KLHL42: variants seen among roughly 807,000 people sequenced by gnomAD.
KLHL42 encodes kelch like family member 42.
A neutral mutation model predicts 32.7 loss-of-function variants in KLHL42; 27 were observed. The ratio of observed to expected loss-of-function variants is 0.83; its 90% CI spans 0.61 to 1.14. KLHL42 has a LOEUF of 1.14. Ranked by LOEUF, KLHL42 falls within the 50% of genes most tolerant of loss-of-function variation. The pLI is 0.00. For missense variants in KLHL42, 491 were observed against 560.8 expected (o/e 0.88, Z 1.26); for synonymous variants, 267 against 248.2 (o/e 1.08, Z -0.71).
Position 27,780,242 on chromosome 12 carries a change from C to A in KLHL42, c.-89C>A, listed in dbSNP as rs535007791. On this transcript the variant is annotated 5_prime_UTR_variant, in exon 1 of 3. Coordinates refer to ENST00000381271, the MANE Select transcript of KLHL42 (RefSeq NM_020782.2). This position sits in a 1 kb window ranked among gnomAD's most constrained non-coding sequence, Gnocchi z 8.8. Reference sequence around the variant, plus strand: ...CTCCTCCCGGGCCGCCATCCCTCGGCGCCCCGCCCGGAACCGGCGCGCGCG... The same window carrying A: ...CTCCTCCCGGGCCGCCATCCCTCGGAGCCCCGCCCGGAACCGGCGCGCGCG... 4.0e-6 allele frequency: 5 copies of A among 1,265,478 alleles called. No individual in the cohort carries two copies. Among genetic ancestry groups the A allele is most frequent in the African/African-American group, 1.6e-5 (1 of 63,134 alleles). The allele number at this position is 1,265,478 out of a possible 1,614,324, so 78.4% of individuals were successfully genotyped here.
chr12:27,790,192 G>T (rs555182512), intron 1 of KLHL42, among the ~76,000 whole-genome samples: 2 of 152,222 alleles, frequency 1.3e-5, no homozygotes, highest in African/African-American at 4.8e-5. Flanking sequence ...ACTTGGTCTA[G>T]CACCTTTATT....
intron 2 of KLHL42, 36 bp from the exon 3 acceptor site, chr12:27,797,679 G>A: frequency 1.5e-6 from 1 of 673,788 alleles, no homozygotes; most frequent in East Asian, 2.5e-5. Flanking sequence ...TGGTGTTAGT[G>A]GAGGCGGTGT....
chr12:27,796,354 C>T (rs2140823015), intron 2 of KLHL42, among the ~76,000 whole-genome samples: 1 of 151,818 alleles, frequency 6.6e-6, no homozygotes, highest in East Asian at 1.9e-4. Context: ...CAAGCGCCTG[C>T]AGCCGTCAAA....
At chr12:27,782,288 A>T (rs933882700) in intron 1 of KLHL42, among the ~76,000 whole-genome samples, 1 of 152,152 alleles carries the variant, frequency 6.6e-6, no homozygotes, top group African/African-American at 2.4e-5. Flanking sequence ...AACTGGCTTT[A>T]TTTCTCCTAT....
At position 27,801,256 on chromosome 12, in the gene KLHL42, C is replaced by G. The variant is rs2062246260; in HGVS notation, c.*3090C>G. The G allele has an allele frequency of 6.6e-6, 1 of 151,750 alleles. No individual in the cohort carries two copies. Among genetic ancestry groups the G allele is most frequent in the Admixed American group, 6.6e-5 (1 of 15,188 alleles). The allele number at this position is 151,750 out of a possible 1,614,324, so 9.4% of individuals were successfully genotyped here. A position where few individuals can be genotyped will look rare whatever the true frequency, so the allele number is the denominator to read the frequency against. ...AAGTAATTCCAAATGCCTTAGATAT[C>G]AATGAAAGCTACACACCATTGAGAT... is the stretch of plus-strand genomic sequence containing the variant. On this transcript the variant is annotated 3_prime_UTR_variant, in exon 3 of 3. Coordinates refer to ENST00000381271, the MANE Select transcript of KLHL42 (RefSeq NM_020782.2).
In KLHL42 at chr12:27,791,200, C is replaced by T. The variant is rs560471807; in HGVS notation, c.873-508C>T. ...GACCAGTGTCTTGCTCAGGTATACTCGTTGTGCAAGGATCTCCTGACCTAC... is the reference window on the plus strand; with the variant it reads ...GACCAGTGTCTTGCTCAGGTATACTTGTTGTGCAAGGATCTCCTGACCTAC... On this transcript the variant is annotated intron_variant, in intron 1 of 2. Coordinates refer to ENST00000381271, the MANE Select transcript of KLHL42 (RefSeq NM_020782.2). Among the ~76,000 whole-genome samples the T allele has an allele frequency of 1.1e-4, 16 of 152,336 alleles. 1 individual carries two copies. In the South Asian group the frequency reaches 1.9e-3, roughly 18 times the overall value.
At chr12:27,796,806 T>C (rs2062220606) in intron 2 of KLHL42, among the ~76,000 whole-genome samples, 1 of 152,062 alleles carries the variant, frequency 6.6e-6, no homozygotes, top group Non-Finnish European at 1.5e-5. Flanking sequence ...TGGCTAATTT[T>C]TTATTTTTTT....
At chr12:27,795,971 C>A (rs765606441) in intron 2 of KLHL42, among the ~76,000 whole-genome samples, 2 of 152,178 alleles carry the variant, frequency 1.3e-5, no homozygotes, top group Non-Finnish European at 2.9e-5. Context: ...AGAATGAGTT[C>A]TTTATTGGTT....
chr12:27,786,220 T>TC (rs1007527791), intron 1 of KLHL42, among the ~76,000 whole-genome samples: 24 of 152,112 alleles, frequency 1.6e-4, no homozygotes, highest in African/African-American at 5.8e-4. Context: ...CATGCACATT[T>TC]CCCCCCTTCT....
At chr12:27,789,219 A>T (rs1166854061) in intron 1 of KLHL42, among the ~76,000 whole-genome samples, 1 of 152,218 alleles carries the variant, frequency 6.6e-6, no homozygotes, top group African/African-American at 2.4e-5. Flanking sequence ...TGCATGCCAG[A>T]TATTGTGCCC....
At chr12:27,786,638 G>A (rs1251592185) in intron 1 of KLHL42, among the ~76,000 whole-genome samples, 1 of 151,228 alleles carries the variant, frequency 6.6e-6, no homozygotes, top group Non-Finnish European at 1.5e-5. Context: ...GGGGTCAAAT[G>A]TAGAGCAGTT....
At chr12:27,783,935 A>G (rs1195642923) in intron 1 of KLHL42, among the ~76,000 whole-genome samples, 1 of 152,082 alleles carries the variant, frequency 6.6e-6, no homozygotes, top group Non-Finnish European at 1.5e-5. Flanking sequence ...TGGATGTACC[A>G]TAATGTAATT....
chr12:27,785,670 C>T (rs951765102), intron 1 of KLHL42, among the ~76,000 whole-genome samples: 11 of 152,060 alleles, frequency 7.2e-5, no homozygotes, highest in Admixed American at 6.6e-4. Context: ...ATGCACATTC[C>T]CCGACTTGAA....
chr12:27,797,130 A>G (rs1028298132), intron 2 of KLHL42: 2 of 408,614 alleles, frequency 4.9e-6, no homozygotes, highest in Non-Finnish European at 9.6e-6. Context: ...TCTTTAAAAA[A>G]AAACAAAAAA....
chr12:27,790,845 G>A (rs1170942436), intron 1 of KLHL42, among the ~76,000 whole-genome samples: 1 of 152,184 alleles, frequency 6.6e-6, no homozygotes, highest in African/African-American at 2.4e-5. Flanking sequence ...AGGAGTTCAA[G>A]ATCATCTTGG....
At chr12:27,788,823 A>C (rs1280373094) in intron 1 of KLHL42, among the ~76,000 whole-genome samples, 1 of 152,264 alleles carries the variant, frequency 6.6e-6, no homozygotes, top group Non-Finnish European at 1.5e-5. Context: ...GCAAGGAACA[A>C]GTATATAGCT....
Position 27,799,173 on chromosome 12 carries a change from A to G in KLHL42, c.*1007A>G, listed in dbSNP as rs1377588053. Reference sequence around the variant, plus strand: ...TTTGCTTTTGTGGACTAAGGTAAGGACAGCATTTAAATATTTGTGCTGGAG... The same window carrying G: ...TTTGCTTTTGTGGACTAAGGTAAGGGCAGCATTTAAATATTTGTGCTGGAG... On this transcript the variant is annotated 3_prime_UTR_variant, in exon 3 of 3. Coordinates refer to ENST00000381271, the MANE Select transcript of KLHL42 (RefSeq NM_020782.2). 1 of 152,414 alleles carries G rather than the reference A, an allele frequency of 6.6e-6. No homozygotes were observed. Among genetic ancestry groups the G allele is most frequent in the Non-Finnish European group, 1.5e-5 (1 of 68,042 alleles). The allele number at this position is 152,414 out of a possible 1,614,324, so 9.4% of individuals were successfully genotyped here. A position where few individuals can be genotyped will look rare whatever the true frequency, so the allele number is the denominator to read the frequency against.
chr12:27,791,661 A>G (rs1379781998), intron 1 of KLHL42, 47 bp from the exon 2 acceptor site: 1 of 1,488,400 alleles, frequency 6.7e-7, no homozygotes, highest in Admixed American at 1.7e-5. Flanking sequence ...TACACTTTTC[A>G]TTGATCAGAA....
intron 2 of KLHL42, among the ~76,000 whole-genome samples, chr12:27,796,819 G>C (rs1353193522): frequency 1.3e-5 from 2 of 151,820 alleles, no homozygotes; most frequent in Non-Finnish European, 2.9e-5. Flanking sequence ...ATTTTTTTTA[G>C]AGACAGGAGG....
Sources: gnomAD v4.1 joint callset for allele counts (sites outside exome capture counted in the v4.1 genomes callset) on GRCh38, gnomAD v4.1.1 for gene constraint, Gnocchi (gnomAD v3.1) non-coding constraint, MANE v1.5 for transcripts, NCBI Gene and HGNC (gene_info 2026-07-23, HGNC 2026-07-21) for gene names.